The following TNS1 variants were observed in gnomAD, a reference collection of about 807,000 sequenced individuals.
TNS1 encodes tensin-1.
A neutral mutation model predicts 168.6 loss-of-function variants in TNS1; 62 were observed. The observed-to-expected ratio is 0.37, with a 90% CI of 0.30 to 0.45. The LOEUF is 0.45. Among genes scored for constraint, TNS1 ranks in the 20% least tolerant of loss-of-function variants. The pLI, the probability that TNS1 is intolerant of heterozygous loss-of-function variation, is 1.00. For synonymous variants in TNS1, 934 were observed against 933.2 expected (o/e 1.00, Z -0.02); for missense variants, 2,240 against 2,339.4 (o/e 0.96, Z 0.88).
intron 3 of TNS1, among the ~76,000 whole-genome samples, chr2:217,920,563 A>ATTTTTTTTTTTTTTTTTTTTT (rs35026780): frequency 7.4e-6 from 1 of 135,922 alleles, no homozygotes; most frequent in Non-Finnish European, 1.6e-5. Context: ...AAGAAGAAGG[A>ATTTTTTTTTTTTTTTTTTTTT]TTTTTTTTTT....
intron 19 of TNS1, among the ~76,000 whole-genome samples, chr2:217,839,590 AC>A (rs1262311859): frequency 6.6e-6 from 1 of 152,088 alleles, no homozygotes; most frequent in Non-Finnish European, 1.5e-5. Context: ...ACACTCGCAC[AC>A]CCTGCAATTC....
intron 21 of TNS1, among the ~76,000 whole-genome samples, chr2:217,832,973 G>A (rs1414685889): frequency 3.3e-5 from 5 of 152,052 alleles, no homozygotes; most frequent in Non-Finnish European, 7.4e-5. Context: ...CACAGATTCT[G>A]TTTCTACCAC....
chr2:217,908,040 G>T (rs1953917846), intron 4 of TNS1, among the ~76,000 whole-genome samples: 1 of 152,182 alleles, frequency 6.6e-6, no homozygotes, highest in African/African-American at 2.4e-5. Flanking sequence ...CTCATCATGG[G>T]AATAGATGAC....
At chr2:217,838,538 G>A (rs1244169618) in intron 19 of TNS1, among the ~76,000 whole-genome samples, 2 of 152,234 alleles carry the variant, frequency 1.3e-5, no homozygotes, top group African/African-American at 4.8e-5. Context: ...CTAAGGAGCT[G>A]CAGGGCAGTG....
At chr2:217,961,017 T>C (rs532421256) in intron 3 of TNS1, among the ~76,000 whole-genome samples, 1 of 152,144 alleles carries the variant, frequency 6.6e-6, no homozygotes, top group African/African-American at 2.4e-5. Context: ...GGGATGTATG[T>C]AGGGTTTTCC....
At position 217,802,465 on chromosome 2, in the gene TNS1, A is replaced by C. The variant is rs952959875; in HGVS notation, c.*1994T>G. ...TACACACCCATGTCCCCGCATGCTC[A>C]CACACTCGCTCAGGCCTGCAGAGTC... is the stretch of plus-strand genomic sequence containing the variant. On this transcript the variant is annotated 3_prime_UTR_variant, in exon 33 of 33. Transcript: ENST00000682258. 1 of 152,228 alleles carries C rather than the reference A, an allele frequency of 6.6e-6. No individual in the cohort carries two copies. Among genetic ancestry groups the C allele is most frequent in the Admixed American group, 6.5e-5 (1 of 15,286 alleles). 9.4% of individuals were successfully genotyped at this position (152,228 alleles called of 1,614,324 possible).
chr2:217,849,792 T>C (rs903712703), intron 18 of TNS1: 1 of 985,258 alleles, frequency 1.0e-6, no homozygotes, highest in African/African-American at 1.7e-5. Context: ...GCCCCGAGGA[T>C]AGCCTTTGCC....
intron 3 of TNS1, among the ~76,000 whole-genome samples, chr2:217,942,901 C>T (rs1956987759): frequency 6.6e-6 from 1 of 152,280 alleles, no homozygotes; most frequent in East Asian, 1.9e-4. Context: ...CCCCCTATCA[C>T]CCCCACCCAG....
At chr2:218,019,294 C>G (rs1958786931) in intron 1 of TNS1, among the ~76,000 whole-genome samples, 1 of 152,182 alleles carries the variant, frequency 6.6e-6, no homozygotes, top group Non-Finnish European at 1.5e-5. Context: ...GCTAAAGGAA[C>G]TTTCTGACCA....
At chr2:217,895,228 G>A (rs1952166766) in intron 8 of TNS1, among the ~76,000 whole-genome samples, 172 bp from the exon 9 acceptor site, 3 of 152,170 alleles carry the variant, frequency 2.0e-5, no homozygotes, top group South Asian at 2.1e-4. Context: ...CACGGCCAGG[G>A]GCCTGGCCAC....
chr2:217,850,673 G>GA (rs1265164398), intron 18 of TNS1: 3 of 933,556 alleles, frequency 3.2e-6, no homozygotes, highest in East Asian at 1.2e-4. Flanking sequence ...CGTTAGCAAG[G>GA]AAAAAAGCCA....
intron 3 of TNS1, among the ~76,000 whole-genome samples, chr2:217,957,521 C>T (rs969901411): frequency 5.3e-5 from 8 of 151,994 alleles, no homozygotes; most frequent in African/African-American, 1.5e-4. Context: ...ACCAATTGGC[C>T]GGTGAAGATG....
chr2:217,865,613 A>G (rs1473252066), intron 18 of TNS1, among the ~76,000 whole-genome samples: 1 of 152,216 alleles, frequency 6.6e-6, no homozygotes, highest in Non-Finnish European at 1.5e-5. Context: ...CAGCCAGGGC[A>G]TCGACTGGCT....
rs1156871215 is a variant in TNS1, at chr2:217,847,964, G to A, written c.2553C>T (p.Ala851=). The A allele has an allele frequency of 1.3e-6, 2 of 1,508,056 alleles. No individual in the cohort carries two copies. The allele number at this position is 1,508,056 out of a possible 1,614,324, so 93.4% of individuals were successfully genotyped here. A position where few individuals can be genotyped will look rare whatever the true frequency, so the allele number is the denominator to read the frequency against. ...GGACACTCTGGGACTTGTGTAGTGG[G>A]GCAGCAGCGGAGGCTGGCTCCAGGT... ...MLDLEPASAA[A]PLHKSQSVPG... Residue 851 remains alanine (A), a synonymous_variant, in exon 19 of 33, where the codon GCC becomes GCT. Transcript: ENST00000682258.
intron 2 of TNS1, among the ~76,000 whole-genome samples, chr2:217,987,460 C>T (rs1399216101): frequency 1.3e-5 from 2 of 152,200 alleles, no homozygotes; most frequent in Non-Finnish European, 2.9e-5. Context: ...CCTCTCTTTC[C>T]CACCTCTTTT....
intron 18 of TNS1, among the ~76,000 whole-genome samples, chr2:217,861,112 A>T (rs1393829288): frequency 6.6e-6 from 1 of 152,220 alleles, no homozygotes; most frequent in Non-Finnish European, 1.5e-5. Flanking sequence ...TTCCAGGTAC[A>T]GGGATTTTAC....
At chr2:217,815,339 C>T in intron 24 of TNS1, 1 of 261,414 alleles carries the variant, frequency 3.8e-6, no homozygotes, top group Admixed American at 4.4e-5. Context: ...GGGACAGATT[C>T]TCCCCTAGAA....
intron 18 of TNS1, chr2:217,850,208 G>GC: frequency 4.1e-6 from 4 of 985,378 alleles, no homozygotes; most frequent in Non-Finnish European, 4.8e-6. Context: ...CAGCCCGGGG[G>GC]CCCCTGAAGA....
intron 4 of TNS1, among the ~76,000 whole-genome samples, chr2:217,910,027 C>T (rs1272426987): frequency 1.3e-5 from 2 of 152,182 alleles, no homozygotes; most frequent in Admixed American, 6.5e-5. Flanking sequence ...CGGGGCAGCA[C>T]CTCATATCCC....
Sources: allele counts gnomAD v4.1 joint callset (sites outside exome capture counted in the v4.1 genomes callset), GRCh38; gene constraint gnomAD v4.1.1; transcripts MANE v1.5; gene names NCBI Gene and HGNC (gene_info 2026-07-23, HGNC 2026-07-21).